The following DNAH12 variants were observed in gnomAD, a reference collection of about 807,000 sequenced individuals.
DNAH12 encodes dynein axonemal heavy chain 12.
A neutral mutation model predicts 371.5 loss-of-function variants in DNAH12; 285 were observed. The observed-to-expected ratio is 0.77, with a 90% CI of 0.70 to 0.85. The LOEUF (loss-of-function observed/expected upper bound fraction) is 0.85, where lower values mean the gene tolerates loss of function less well. Among genes scored for constraint, DNAH12 ranks in the 40% least tolerant of loss-of-function variants. DNAH12 has a pLI of 0.00. For missense variants in DNAH12, 3,611 were observed against 3,689.4 expected, an observed-to-expected ratio of 0.98 and a Z score of 0.55; for synonymous variants, 1,200 against 1,213.0, an observed-to-expected ratio of 0.99 and a Z score of 0.22.
At chr3:57,301,594 C>A in intron 70 of DNAH12, 141 bp downstream of exon 70, 1 of 937,418 alleles carries the variant, frequency 1.1e-6, no homozygotes. Flanking sequence ...GTGACCACAG[C>A]CAACAACTAA....
intron 57 of DNAH12, among the ~76,000 whole-genome samples, chr3:57,364,885 T>C (rs1445722400): frequency 3.9e-5 from 6 of 152,188 alleles, no homozygotes; most frequent in Non-Finnish European, 8.8e-5. Flanking sequence ...CACTGATCAT[T>C]ACAGAAATGT....
intron 65 of DNAH12, among the ~76,000 whole-genome samples, chr3:57,315,943 G>A (rs1452306030): frequency 1.3e-5 from 2 of 152,136 alleles, no homozygotes; most frequent in African/African-American, 2.4e-5. Context: ...TGTAGCCTAT[G>A]AAGAGTCTGA....
Position 57,293,985 on chromosome 3 carries a change from AAG to A in DNAH12, c.11693-16_11693-15del, listed in dbSNP as rs2061176488. 10 of 1,444,942 alleles carry A rather than the reference AAG, an allele frequency of 6.9e-6. No individual in the cohort carries two copies. Among genetic ancestry groups the A allele is most frequent in the South Asian group, 6.0e-5 (4 of 66,828 alleles). 89.5% of individuals were successfully genotyped at this position (1,444,942 alleles called of 1,614,324 possible). On this transcript the variant is annotated splice_polypyrimidine_tract_variant and intron_variant, in intron 73 of 73. Transcript: ENST00000495027. ...GAGATTTTTGAGCTTGAAAAAAAAA[AAG>A]AAATATATTCACTTGATAAAGGGAA...
intron 2 of DNAH12, among the ~76,000 whole-genome samples, chr3:57,535,521 ATT>A (rs547784256): frequency 6.6e-6 from 1 of 151,726 alleles, no homozygotes; most frequent in Non-Finnish European, 1.5e-5. Flanking sequence ...ATAAACCTCT[ATT>A]TTTTTTATAT....
At chr3:57,530,211 T>A (rs981466852) in intron 2 of DNAH12, 2 of 185,292 alleles carry the variant, frequency 1.1e-5, no homozygotes, top group Admixed American at 6.0e-5. Flanking sequence ...CTACACACCT[T>A]GATTTCATCC....
chr3:57,508,563 C>A, intron 6 of DNAH12, 23 bp from the exon 7 acceptor site: 2 of 1,597,534 alleles, frequency 1.3e-6, no homozygotes, highest in South Asian at 2.3e-5. Context: ...AACACCATAT[C>A]AAACATGATG....
chr3:57,438,151 A>T (rs150578513), intron 29 of DNAH12, among the ~76,000 whole-genome samples: 2,130 of 113,842 alleles, frequency 0.019, 29 homozygotes, highest in Non-Finnish European at 0.022. Flanking sequence ...TCTACTAAAC[A>T]TACAAAAAAA....
intron 29 of DNAH12, among the ~76,000 whole-genome samples, chr3:57,444,256 C>A (rs1477772131): frequency 5.3e-5 from 8 of 151,800 alleles, no homozygotes; most frequent in South Asian, 4.1e-4. Context: ...TATTCTCTTA[C>A]AAAGAACATT....
At chr3:57,464,401 G>T (rs573493407) in intron 17 of DNAH12, among the ~76,000 whole-genome samples, 1 of 152,172 alleles carries the variant, frequency 6.6e-6, no homozygotes, top group African/African-American at 2.4e-5. Context: ...GGGACCGTCC[G>T]CATTCATTAA....
intron 19 of DNAH12, 69 bp downstream of exon 19, chr3:57,461,420 G>A (rs2066050230): frequency 3.5e-6 from 5 of 1,419,626 alleles, no homozygotes; most frequent in African/African-American, 1.4e-5. Flanking sequence ...TTATTACCAT[G>A]AGAGCGTATA....
At chr3:57,456,237 G>A (rs2065899253) in intron 22 of DNAH12, among the ~76,000 whole-genome samples, 1 of 152,152 alleles carries the variant, frequency 6.6e-6, no homozygotes, top group Non-Finnish European at 1.5e-5. Context: ...ATCATAAATA[G>A]TAAAAGGAGA....
At chr3:57,335,442 T>C (rs1186691033) in intron 60 of DNAH12, among the ~76,000 whole-genome samples, 1 of 152,230 alleles carries the variant, frequency 6.6e-6, no homozygotes, top group Non-Finnish European at 1.5e-5. Flanking sequence ...GCATTGCTCA[T>C]AGAATTCTTA....
intron 5 of DNAH12, among the ~76,000 whole-genome samples, chr3:57,509,507 A>T (rs2067900802): frequency 6.6e-6 from 1 of 152,110 alleles, no homozygotes; most frequent in Non-Finnish European, 1.5e-5. Context: ...AGGGGCTGGG[A>T]GGATGTTGGT....
intron 58 of DNAH12, among the ~76,000 whole-genome samples, chr3:57,360,653 C>CT (rs2062905404): frequency 1.3e-5 from 2 of 151,254 alleles, no homozygotes; most frequent in African/African-American, 2.4e-5. Context: ...TGCCATTGTA[C>CT]TATAGCCTGG....
Position 57,327,232 on chromosome 3 carries a change from C to T in DNAH12, c.9979-3613G>A, listed in dbSNP as rs529053029. 6.6e-5 allele frequency among the ~76,000 whole-genome samples: 10 copies of T among 152,212 alleles called. No homozygotes were observed. The South Asian group carries it at 1.0e-3, about 16-fold the overall frequency. On this transcript the variant is annotated intron_variant, in intron 62 of 73. Coordinates refer to ENST00000495027, the MANE Select transcript of DNAH12 (RefSeq NM_001366028.2). Reference sequence around the variant, plus strand: ...ACCTAATAGACATCTACAGAACTCGCCACCCCAAATCAACAGAATATACAT... The same window carrying T: ...ACCTAATAGACATCTACAGAACTCGTCACCCCAAATCAACAGAATATACAT...
At chr3:57,359,542 A>G (rs2062874738) in intron 58 of DNAH12, among the ~76,000 whole-genome samples, 1 of 146,204 alleles carries the variant, frequency 6.8e-6, no homozygotes, top group Non-Finnish European at 1.5e-5. Flanking sequence ...CTGGGCAACA[A>G]GAGCGAAACT....
Position 57,296,382 on chromosome 3 carries a change from G to C in DNAH12, c.11586C>G (p.His3862Gln). The C allele has an allele frequency of 1.3e-6, 2 of 1,550,792 alleles. No homozygotes were observed. The highest frequency in any genetic ancestry group is 1.7e-6 in the Non-Finnish European group (2 of 1,146,530). The change falls in exon 72 of 74, where the codon CAC becomes CAG. Residue 3862 changes from histidine to glutamine, a missense_variant. By Grantham distance (24) the His-to-Gln change is conservative (BLOSUM62 0). This residue lies in a region of DNAH12 where 2,266 missense variants were observed against 2,236.9 expected (regional missense o/e 1.01). Coordinates refer to ENST00000495027, the MANE Select transcript of DNAH12 (RefSeq NM_001366028.2). ...DTSPEDGVYI[H>Q]GLYLDGARWD... The stretch of plus-strand genomic sequence containing the variant: ...AGCGTGCGCCATCGAGATACAGTCC[G>C]TGGATATAAACACCATCTTCTGGTG...
chr3:57,495,618 A>G lies in DNAH12; in HGVS notation c.1335+5703T>C, dbSNP rs867379410. On this transcript the variant is annotated intron_variant, in intron 11 of 73. Coordinates refer to ENST00000495027, the MANE Select transcript of DNAH12 (RefSeq NM_001366028.2). The stretch of plus-strand genomic sequence containing the variant: ...ATACATATATTTACATATTTTGTAT[A>G]TATTATATATATTTTTATGTATTTA... 1.2e-3 allele frequency among the ~76,000 whole-genome samples: 179 copies of G among 146,538 alleles called. 12 individuals are homozygous for G. Among genetic ancestry groups the G allele is most frequent in the African/African-American group, 4.2e-3 (166 of 39,844 alleles).
At position 57,405,871 on chromosome 3, in the gene DNAH12, C is replaced by A; in HGVS notation, c.6358G>T (p.Val2120Phe). Residue 2120 changes from valine (V) to phenylalanine (F), a missense_variant, in exon 41 of 74, where the codon GTC becomes TTC. Transcript: ENST00000495027. ...TCAATGAGTAAACAGCCCCGGATGA[C>A]GCGTGAAAAATCACGCAAGTTGAAA... is the stretch of plus-strand genomic sequence containing the variant. ...YTFNLRDFSR[V>F]IRGCLLIERD... 3 of 1,551,268 alleles carry A rather than the reference C, an allele frequency of 1.9e-6. No individual in the cohort carries two copies. The highest frequency in any genetic ancestry group is 1.7e-6 in the Non-Finnish European group (2 of 1,146,710).
Sources: gnomAD v4.1 joint callset for allele counts (sites outside exome capture counted in the v4.1 genomes callset) on GRCh38, gnomAD v4.1.1 for gene constraint, gnomAD v4.1.1 regional missense constraint, MANE v1.5 for transcripts, NCBI Gene and HGNC (gene_info 2026-07-23, HGNC 2026-07-21) for gene names.